The following FASN variants were observed in gnomAD, a reference collection of about 807,000 sequenced individuals.
FASN encodes the protein fatty acid synthase.
A neutral mutation model predicts 250.0 loss-of-function variants in FASN; 50 were observed. The observed-to-expected ratio is 0.20, with a 90% confidence interval of 0.16 to 0.25. FASN has a LOEUF of 0.25. FASN is among the 10% of genes least tolerant of loss of function. The pLI is 1.00. For missense variants in FASN, 3,031 were observed against 3,498.5 expected, an observed-to-expected ratio of 0.87 and a Z score of 3.37; for synonymous variants, 1,909 against 1,584.0, an observed-to-expected ratio of 1.21 and a Z score of -4.87.
rs749653934 is a variant in FASN, at chr17:82,090,578, A to G, written c.1681-14T>C. 6.2e-7 allele frequency: 1 copy of G among 1,607,506 alleles called. No homozygotes were observed. Among genetic ancestry groups the G allele is most frequent in the Non-Finnish European group, 8.5e-7 (1 of 1,177,044 alleles). On this transcript the variant is annotated splice_polypyrimidine_tract_variant and intron_variant, in intron 10 of 42. Transcript: ENST00000306749. The stretch of plus-strand genomic sequence containing the variant: ...TATGAGGCCTATCTGGGGTGGGAAC[A>G]GGACACTCAGGTTGCAACCTCCAGC...
rs946922416 is a variant in FASN, at chr17:82,085,712, C to T, written c.3892G>A (p.Asp1298Asn). 3.2e-6 allele frequency: 5 copies of T among 1,566,832 alleles called. No individual in the cohort carries two copies. The highest frequency in any genetic ancestry group is 3.8e-5 in the Admixed American group (2 of 53,104). The part of the protein sequence containing the change: ...QQHDVAQGQW[D>N]PADPAPSALG... Reference sequence around the variant, plus strand: ...GCGCTGGGGGCAGGGTCTGCGGGATCCCACTGGCCCTGGGCAACGTCGTGC... The same window carrying T: ...GCGCTGGGGGCAGGGTCTGCGGGATTCCACTGGCCCTGGGCAACGTCGTGC... The change falls in exon 23 of 43, where the codon GAT becomes AAT. Residue 1298 changes from aspartate to asparagine, a missense_variant. Physicochemically the swap from Asp to Asn is conservative, Grantham distance 23 (BLOSUM62 1). Transcript: ENST00000306749.
chr17:82,086,503 C>T lies in FASN; in HGVS notation c.3483G>A (p.Val1161=). The part of the protein sequence containing the change: ...KVTQQGLKMV[V]PGLDGAQIPR... Reference sequence around the variant, plus strand: ...GGATCTGGGCCCCATCCAGTCCGGGCACCACCATCTTCAGCCCCTGCTGGG... The same window carrying T: ...GGATCTGGGCCCCATCCAGTCCGGGTACCACCATCTTCAGCCCCTGCTGGG... The change falls in exon 22 of 43, where the codon GTG becomes GTA. Residue 1161 remains valine, a synonymous_variant. Coordinates refer to ENST00000306749, the MANE Select transcript of FASN (RefSeq NM_004104.5). 6.2e-7 allele frequency: 1 copy of T among 1,612,504 alleles called. No homozygotes were observed.
At chr17:82,093,167 G>A (rs2034243545) in intron 5 of FASN, 52 bp downstream of exon 5, 3 of 1,537,910 alleles carry the variant, frequency 2.0e-6, no homozygotes, top group Non-Finnish European at 2.6e-6. Context: ...TGTGCGGGGG[G>A]CCGTCCTGTG....
In FASN at chr17:82,086,924, G is replaced by A. The variant is rs572243207; in HGVS notation, c.3427+126C>T. ...GCCGCCATCGTGAGCTCCGGCCGGA[G>A]GGTTGGGCTAGGGTTGCTGACCCCA... On this transcript the variant is annotated intron_variant, in intron 21 of 42. Coordinates refer to ENST00000306749, the MANE Select transcript of FASN (RefSeq NM_004104.5). 7.7e-5 allele frequency: 80 copies of A among 1,043,180 alleles called. No individual in the cohort carries two copies. The East Asian group carries it at 2.0e-3, about 26-fold the overall frequency. The allele number at this position is 1,043,180 out of a possible 1,614,324, so 64.6% of individuals were successfully genotyped here.
intron 2 of FASN, among the ~76,000 whole-genome samples, chr17:82,095,943 C>T (rs1166679216): frequency 2.6e-5 from 4 of 152,238 alleles, no homozygotes; most frequent in Admixed American, 2.0e-4. Context: ...TCTGGCCCCC[C>T]GCACCCCCTG....
rs745385749 is a variant in FASN, at chr17:82,082,580, T to A, written c.5866A>T (p.Ile1956Phe). The A allele has an allele frequency of 5.6e-6, 9 of 1,609,726 alleles. No individual in the cohort carries two copies. The African/African-American group carries it at 6.7e-5, about 12-fold the overall frequency. ...ISSLEGARGL[I>F]AEAAQLGPVG... ...GGCCCAAGCTGCGCCGCCTCGGCAATGAGGCCCCGGGCCCCCTCCAGTGAG... is the reference window on the plus strand; with the variant it reads ...GGCCCAAGCTGCGCCGCCTCGGCAAAGAGGCCCCGGGCCCCCTCCAGTGAG... Residue 1956 changes from isoleucine (I) to phenylalanine (F), a missense_variant, in exon 34 of 43, where the codon ATT (isoleucine) becomes TTT (phenylalanine). Coordinates refer to ENST00000306749, the MANE Select transcript of FASN (RefSeq NM_004104.5).
At position 82,088,462 on chromosome 17, in the gene FASN, C is replaced by A. The variant is rs1388617330; in HGVS notation, c.2521G>T (p.Ala841Ser). The A allele has an allele frequency of 6.2e-7, 1 of 1,611,760 alleles. No homozygotes were observed. Among genetic ancestry groups the A allele is most frequent in the Non-Finnish European group, 8.5e-7 (1 of 1,179,210 alleles). The change falls in exon 16 of 43, where the codon GCC becomes TCC. Residue 841 changes from alanine (A) to serine (S), a missense_variant. Physicochemically the swap from Ala to Ser is moderately conservative, Grantham distance 99 (BLOSUM62 1). Coordinates refer to ENST00000306749, the MANE Select transcript of FASN (RefSeq NM_004104.5). ...TCCTCGGCGGCCGGCACGTCCCAGG[C>A]CAGGCTGTGGTCCCACTTGATGAGT... ...SPLIKWDHSL[A>S]WDVPAAEDFP...
chr17:82,081,460 C>G (rs1175596200), intron 37 of FASN, 108 bp from the exon 38 acceptor site: 1 of 1,575,838 alleles, frequency 6.3e-7, no homozygotes, highest in Non-Finnish European at 8.6e-7. Context: ...CCCAAAGCAC[C>G]ACCACCACAG....
chr17:82,083,890 C>T lies in FASN; in HGVS notation c.5100G>A (p.Gly1700=). Residue 1700 remains glycine, a splice_region_variant and synonymous_variant, in exon 30 of 43, where the codon GGG becomes GGA. Transcript: ENST00000306749. ...GGAGGTACGCCCGCTTCTCAGCCGA[C>T]CCTGGTGAAGAGAGGAAGCGCGGCT... ...SLGCRVFTTV[G]SAEKRAYLQA... The T allele has an allele frequency of 1.3e-6, 2 of 1,564,858 alleles. No homozygotes were observed. Among genetic ancestry groups the T allele is most frequent in the Non-Finnish European group, 1.7e-6 (2 of 1,154,616 alleles).
At position 82,086,384 on chromosome 17, in the gene FASN, ACCTGCGCCAGCT is replaced by A. The variant is rs1232874477; in HGVS notation, c.3590_3601del (p.Glu1197_Gln1200del). ...CAGCTTGGGCCTCTCCTGGGCCAGC[ACCTGCGCCAGCT>A]CCAGCTGCAGGTTCCCGTTGAGCTG... On this transcript the variant is annotated inframe_deletion, in exon 22 of 43. Transcript: ENST00000306749. 3.7e-6 allele frequency: 6 copies of A among 1,609,760 alleles called. No homozygotes were observed. Among genetic ancestry groups the A allele is most frequent in the African/African-American group, 1.3e-5 (1 of 74,930 alleles).
chr17:82,082,250 C>T (rs866234467), intron 35 of FASN, 73 bp downstream of exon 35: 2 of 1,604,686 alleles, frequency 1.2e-6, no homozygotes, highest in Middle Eastern at 3.3e-4. Context: ...GGGCTGTCAA[C>T]AAACCACCTT....
chr17:82,097,106 G>T (rs1343664408), intron 1 of FASN, among the ~76,000 whole-genome samples: 1 of 152,218 alleles, frequency 6.6e-6, no homozygotes, highest in Non-Finnish European at 1.5e-5. Context: ...GGGGAAAGGT[G>T]GCCCCTGCCC....
At chr17:82,096,656 T>C in intron 1 of FASN, 1 of 714,006 alleles carries the variant, frequency 1.4e-6, no homozygotes, top group Non-Finnish European at 2.4e-6. Context: ...CTGCGTGCTC[T>C]GGGAACAGGC....
Position 82,084,073 on chromosome 17 carries a change from G to A in FASN, c.5000C>T (p.Pro1667Leu), listed in dbSNP as rs1378858086. The A allele has an allele frequency of 1.3e-6, 2 of 1,553,364 alleles. No individual in the cohort carries two copies. Among genetic ancestry groups the A allele is most frequent in the East Asian group, 4.9e-5 (2 of 41,210 alleles). The change falls in exon 29 of 43, where the codon CCC becomes CTC. Residue 1667 changes from proline to leucine, a missense_variant. Pro to Leu is a moderately conservative substitution (Grantham distance 98). Transcript: ENST00000306749. ...CGAGTGGATGAGCAGCGTCTCCCCG[G>A]GGCGCACCCGCCCACGCACCACCAG... Reference protein sequence around the residue: ...YALVVRGRVRPGETLLIHSGS... With the variant: ...YALVVRGRVRLGETLLIHSGS...
In FASN at chr17:82,084,338, G is replaced by C. The variant is rs1372550875; in HGVS notation, c.4815C>G (p.Gly1605=). The C allele has an allele frequency of 6.2e-7, 1 of 1,609,084 alleles. No homozygotes were observed. Among genetic ancestry groups the C allele is most frequent in the East Asian group, 2.2e-5 (1 of 44,704 alleles). The change falls in exon 28 of 43, where the codon GGC becomes GGG. Residue 1605 remains glycine (G), a synonymous_variant. Transcript: ENST00000306749. ...QDSLLGMEFS[G]RDASGKRVMG... ...TCACACGCTTGCCGCTGGCGTCTCG[G>C]CCCGAGAACTCCATACCTAGCAGGC...
intron 2 of FASN, 76 bp from the exon 3 acceptor site, chr17:82,095,548 C>T: frequency 6.4e-7 from 1 of 1,554,004 alleles, no homozygotes; most frequent in South Asian, 1.1e-5. Flanking sequence ...GCTGCAGGCC[C>T]CTGGAGGGGC....
At chr17:82,094,037 G>A in intron 3 of FASN, 1 of 555,630 alleles carries the variant, frequency 1.8e-6, no homozygotes, top group Non-Finnish European at 3.2e-6. Context: ...GAGGGGGCAG[G>A]CGGGCCCAGG....
intron 15 of FASN, 46 bp from the exon 16 acceptor site, chr17:82,088,608 AG>A: frequency 6.3e-7 from 1 of 1,587,164 alleles, no homozygotes; most frequent in Non-Finnish European, 8.6e-7. Context: ...ACCGGGGTCC[AG>A]GGGCTCTGGG....
At position 82,085,310 on chromosome 17, in the gene FASN, C is replaced by T. The variant is rs1353843102; in HGVS notation, c.4215G>A (p.Arg1405=). 2 of 1,610,936 alleles carry T rather than the reference C, an allele frequency of 1.2e-6. No homozygotes were observed. The highest frequency in any genetic ancestry group is 1.7e-5 in the Admixed American group (1 of 59,838). ...AGATGGGGCTGTCCTGCGGGGTGGG[C>T]CGGCGGCACAGGAAGAGCGTGGAGC... ...FYGSTLFLCR[R]PTPQDSPIFL... is the part of the protein sequence containing the mutation. Residue 1405 remains arginine (R), a synonymous_variant, in exon 24 of 43, where the codon CGG becomes CGA. Coordinates refer to ENST00000306749, the MANE Select transcript of FASN (RefSeq NM_004104.5).
Sources: allele counts gnomAD v4.1 joint callset (sites outside exome capture counted in the v4.1 genomes callset), GRCh38; gene constraint gnomAD v4.1.1; transcripts MANE v1.5; gene names NCBI Gene and HGNC (gene_info 2026-07-23, HGNC 2026-07-21).